The following NAALADL2 variants were observed in gnomAD, a reference collection of about 807,000 sequenced individuals.
NAALADL2 encodes N-acetylated alpha-linked acidic dipeptidase like 2.
Under a neutral mutation model 87.2 loss-of-function variants are expected in NAALADL2, and 76 were observed. The observed-to-expected ratio is 0.87, with a 90% CI of 0.72 to 1.05. NAALADL2 has a LOEUF of 1.05. Ranked by LOEUF, NAALADL2 falls within the 50% of genes least tolerant of loss-of-function variation. The pLI is 0.00. For synonymous variants in NAALADL2, 354 were observed against 331.0 expected (o/e 1.07, Z -0.75); for missense variants, 1,089 against 945.8 (o/e 1.15, Z -1.99).
At chr3:175,301,654 C>T (rs1303367704) in intron 4 of NAALADL2, among the ~76,000 whole-genome samples, 1 of 152,068 alleles carries the variant, frequency 6.6e-6, no homozygotes, top group African/African-American at 2.4e-5. Flanking sequence ...AGAATTTTGG[C>T]AGGATTGATA....
intron 2 of NAALADL2, among the ~76,000 whole-genome samples, chr3:174,606,776 T>A (rs1020699685): frequency 1.3e-5 from 2 of 152,104 alleles, no homozygotes; most frequent in Admixed American, 6.5e-5. Flanking sequence ...ACTTCCCCAA[T>A]CTAGCAAGGC....
At chr3:174,499,620 G>A (rs115171608) in intron 1 of NAALADL2, among the ~76,000 whole-genome samples, 6,108 of 151,850 alleles carry the variant, frequency 0.04, 162 homozygotes, top group Non-Finnish European at 0.06. Context: ...GGGTCAACTT[G>A]CCTTTTCTTT....
chr3:175,769,953 A>AT (rs368405476), intron 13 of NAALADL2, among the ~76,000 whole-genome samples: 16 of 147,378 alleles, frequency 1.1e-4, no homozygotes, highest in East Asian at 7.8e-4. Flanking sequence ...TCTAAGGCAG[A>AT]TTTTTTTTTT....
At chr3:175,086,778 A>G (rs1189737706) in intron 1 of NAALADL2, among the ~76,000 whole-genome samples, 2 of 152,126 alleles carry the variant, frequency 1.3e-5, no homozygotes, top group African/African-American at 4.8e-5. Context: ...ACCCAAAACT[A>G]TTAGTAGACA....
chr3:175,147,004 G>A (rs1730844098), intron 2 of NAALADL2, among the ~76,000 whole-genome samples: 1 of 152,056 alleles, frequency 6.6e-6, no homozygotes, highest in African/African-American at 2.4e-5. Flanking sequence ...CTGGGTAAAA[G>A]CACTGATTTT....
intron 4 of NAALADL2, among the ~76,000 whole-genome samples, chr3:175,258,051 G>C (rs1750316881): frequency 6.6e-6 from 1 of 152,116 alleles, no homozygotes; most frequent in Non-Finnish European, 1.5e-5. Flanking sequence ...TCTCACACCT[G>C]TAATCCCAGC....
intron 6 of NAALADL2, among the ~76,000 whole-genome samples, chr3:175,452,725 C>T (rs1015221004): frequency 2.0e-5 from 3 of 152,102 alleles, no homozygotes; most frequent in South Asian, 2.1e-4. Flanking sequence ...CGGAGTATTC[C>T]GTAGAACTAA....
At chr3:175,331,079 T>G (rs1167978755) in intron 5 of NAALADL2, among the ~76,000 whole-genome samples, 3 of 152,066 alleles carry the variant, frequency 2.0e-5, no homozygotes, top group Non-Finnish European at 4.4e-5. Context: ...ACATACAATC[T>G]ACAAAGATTG....
intron 1 of NAALADL2, among the ~76,000 whole-genome samples, chr3:174,471,873 G>T (rs891800628): frequency 3.9e-5 from 6 of 152,062 alleles, no homozygotes; most frequent in Admixed American, 1.3e-4. Context: ...TTACAGGTTA[G>T]TAATTTTAAT....
rs1016758780 is a variant in NAALADL2 at position 174,443,932 on chromosome 3, G to A, written c.-184+2900G>A. Among the ~76,000 whole-genome samples, 107 of 149,640 alleles carry A rather than the reference G, an allele frequency of 7.2e-4. 6 individuals carry two copies. Among genetic ancestry groups the A allele is most frequent in the Non-Finnish European group, 1.2e-3 (79 of 66,098 alleles). ...CAGTTTTCATGGAGGAAGTAGACAT[G>A]AAAGCTTGTTTGTAATGTGTTTGAC... is the stretch of plus-strand genomic sequence containing the variant. On this transcript the variant is annotated intron_variant, in intron 1 of 3. Transcript: ENST00000434257.
intron 2 of NAALADL2, among the ~76,000 whole-genome samples, chr3:174,607,231 A>G (rs576977136): frequency 3.3e-5 from 5 of 152,264 alleles, no homozygotes; most frequent in Admixed American, 2.0e-4. Context: ...TGTAAAGACC[A>G]TCGAGACTAG....
At chr3:175,761,743 A>G (rs572330125) in intron 13 of NAALADL2, among the ~76,000 whole-genome samples, 1 of 152,256 alleles carries the variant, frequency 6.6e-6, no homozygotes, top group East Asian at 1.9e-4. Context: ...CAGTTCCCCA[A>G]TGATATATGA....
intron 11 of NAALADL2, among the ~76,000 whole-genome samples, chr3:175,724,307 C>T (rs1432702231): frequency 3.9e-5 from 6 of 152,098 alleles, no homozygotes; most frequent in African/African-American, 1.4e-4. Flanking sequence ...TATCACTAAG[C>T]AACATGTAAA....
chr3:174,713,351 T>C (rs1166383479), intron 2 of NAALADL2, among the ~76,000 whole-genome samples: 1 of 152,214 alleles, frequency 6.6e-6, no homozygotes, highest in African/African-American at 2.4e-5. Flanking sequence ...ATGGTATTTC[T>C]AGTTCTAGAT....
At chr3:175,317,559 G>C (rs937041603) in intron 4 of NAALADL2, among the ~76,000 whole-genome samples, 1 of 151,858 alleles carries the variant, frequency 6.6e-6, no homozygotes, top group Non-Finnish European at 1.5e-5. Context: ...CACAGACCTT[G>C]TCCTACTTCT....
At chr3:175,120,511 C>T (rs1423743379) in intron 2 of NAALADL2, among the ~76,000 whole-genome samples, 2 of 151,704 alleles carry the variant, frequency 1.3e-5, no homozygotes, top group Admixed American at 6.6e-5. Flanking sequence ...GCAGTTCTAA[C>T]TGAAATGACA....
intron 10 of NAALADL2, among the ~76,000 whole-genome samples, chr3:175,592,448 G>T (rs558421895): frequency 6.7e-6 from 1 of 150,110 alleles, no homozygotes; most frequent in East Asian, 2.0e-4. Flanking sequence ...CTAGATTTTT[G>T]GTTTCTTTAC....
chr3:174,441,476 A>G (rs536413250), intron 1 of NAALADL2, among the ~76,000 whole-genome samples: 8 of 152,168 alleles, frequency 5.3e-5, no homozygotes, highest in African/African-American at 1.4e-4. Context: ...GCGCAGGTAA[A>G]GAGCGGCGCC....
At chr3:175,237,987 C>T (rs1349216434) in intron 3 of NAALADL2, among the ~76,000 whole-genome samples, 1 of 152,098 alleles carries the variant, frequency 6.6e-6, no homozygotes, top group Non-Finnish European at 1.5e-5. Context: ...TATCTGTTTA[C>T]TATCAAAGAG....
Sources: allele counts gnomAD v4.1 joint callset (sites outside exome capture counted in the v4.1 genomes callset), GRCh38; gene constraint gnomAD v4.1.1; transcripts MANE v1.5; gene names NCBI Gene and HGNC (gene_info 2026-07-23, HGNC 2026-07-21).